ITGAV: variants seen among roughly 807,000 people sequenced by gnomAD.
The protein encoded by ITGAV is integrin alpha-V.
Under a neutral mutation model 143.8 loss-of-function variants are expected in ITGAV, and 76 were observed. The ratio of observed to expected loss-of-function variants is 0.53; its 90% confidence interval spans 0.44 to 0.64. The LOEUF is 0.64. Among genes scored for constraint, ITGAV ranks in the 30% least tolerant of loss-of-function variants. The pLI is 0.00. For synonymous variants in ITGAV, 453 were observed against 446.7 expected (o/e 1.01, Z -0.18); for missense variants, 1,193 against 1,274.7 (o/e 0.94, Z 0.98).
At chr2:186,659,627 ATG>A (rs1688686469) in intron 18 of ITGAV, among the ~76,000 whole-genome samples, 1 of 151,898 alleles carries the variant, frequency 6.6e-6, no homozygotes, top group South Asian at 2.1e-4. Flanking sequence ...AGAAAATCTT[ATG>A]TGTAATGTAT....
chr2:186,668,801 C>G lies in ITGAV; in HGVS notation c.2473C>G (p.Leu825Val). ...NGPSSFSKAM[L>V]HLQWPYKYNN... ...TCCAAGTTCATTCAGCAAGGCAATG[C>G]TCCATCTTCAGTGGCCTTACAAATA... is the stretch of plus-strand genomic sequence containing the variant. Residue 825 changes from leucine (L) to valine (V), a missense_variant, in exon 25 of 30, where the codon CTC becomes GTC. Leu to Val is a conservative substitution (Grantham distance 32). Coordinates refer to ENST00000261023, the MANE Select transcript of ITGAV (RefSeq NM_002210.5). 1 of 1,613,718 alleles carries G rather than the reference C, an allele frequency of 6.2e-7. No homozygotes were observed. Among genetic ancestry groups the G allele is most frequent in the Non-Finnish European group, 8.5e-7 (1 of 1,179,866 alleles).
chr2:186,676,823 A>G lies in ITGAV; in HGVS notation c.2939A>G (p.Asn980Ser), dbSNP rs1314317412. Reference sequence around the variant, plus strand: ...TTTTTTCCTCGATAGGTTACCACTAATGTCACCTGGGGCATTCAGCCAGCG... The same window carrying G: ...TTTTTTCCTCGATAGGTTACCACTAGTGTCACCTGGGGCATTCAGCCAGCG... ...DITNSTLVTT[N>S]VTWGIQPAPM... The change falls in exon 29 of 30, where the codon AAT becomes AGT. Residue 980 changes from asparagine (N) to serine (S), a missense_variant. Transcript: ENST00000261023. 3.7e-6 allele frequency: 6 copies of G among 1,613,792 alleles called. No homozygotes were observed. The highest frequency in any genetic ancestry group is 2.2e-5 in the East Asian group (1 of 44,884).
At chr2:186,651,238 G>T (rs1688420036) in intron 14 of ITGAV, among the ~76,000 whole-genome samples, 1 of 152,144 alleles carries the variant, frequency 6.6e-6, no homozygotes, top group South Asian at 2.1e-4. Context: ...CAATTTAATT[G>T]TAGCTATACA....
At chr2:186,597,613 T>C (rs967988165) in intron 1 of ITGAV, among the ~76,000 whole-genome samples, 1 of 152,152 alleles carries the variant, frequency 6.6e-6, no homozygotes, top group Non-Finnish European at 1.5e-5. Context: ...ATAAAATATA[T>C]TGTAAGACAG....
At chr2:186,600,414 T>C in intron 1 of ITGAV, 1 of 1,537,028 alleles carries the variant, frequency 6.5e-7, no homozygotes, top group Non-Finnish European at 8.8e-7. Context: ...CTCTGTCTAC[T>C]TTATCTAAAA....
Position 186,680,777 on chromosome 2 carries a change from A to G in ITGAV, c.*3485A>G, listed in dbSNP as rs1373480290. 6.6e-6 allele frequency: 1 copy of G among 152,660 alleles called. No individual in the cohort carries two copies. Among genetic ancestry groups the G allele is most frequent in the Non-Finnish European group, 1.5e-5 (1 of 68,018 alleles). The allele number at this position is 152,660 out of a possible 1,614,324, so 9.5% of individuals were successfully genotyped here. On this transcript the variant is annotated 3_prime_UTR_variant, in exon 30 of 30. Transcript: ENST00000261023. ...TCACCCACATTGGGTGAGACAGAAAATGAATCTGTTCTAAAATTTGTAATT... is the reference window on the plus strand; with the variant it reads ...TCACCCACATTGGGTGAGACAGAAAGTGAATCTGTTCTAAAATTTGTAATT...
intron 25 of ITGAV, 29 bp from the exon 26 acceptor site, chr2:186,669,672 C>A: frequency 7.0e-7 from 1 of 1,434,942 alleles, no homozygotes; most frequent in Non-Finnish European, 9.7e-7. Flanking sequence ...TTATCATTTA[C>A]CACCATTTTA....
At chr2:186,618,466 C>CA (rs1222786997) in intron 2 of ITGAV, among the ~76,000 whole-genome samples, 1 of 152,206 alleles carries the variant, frequency 6.6e-6, no homozygotes, top group Non-Finnish European at 1.5e-5. Context: ...TCCACAAAGA[C>CA]AGATATCCAT....
At chr2:186,647,583 A>G (rs1166947033) in intron 13 of ITGAV, among the ~76,000 whole-genome samples, 1 of 152,004 alleles carries the variant, frequency 6.6e-6, no homozygotes, top group East Asian at 1.9e-4. Flanking sequence ...TAATTCTCCC[A>G]TTAATACATG....
In ITGAV at chr2:186,646,760, G is replaced by A. The variant is rs370277214; in HGVS notation, c.1234G>A (p.Gly412Ser). Residue 412 changes from glycine (G) to serine (S), a missense_variant, in exon 13 of 30, where the codon GGC (glycine) becomes AGC (serine). Coordinates refer to ENST00000261023, the MANE Select transcript of ITGAV (RefSeq NM_002210.5). ...IVYIFNGRST[G>S]LNAVPSQILE... ...TTATATCTTCAATGGAAGATCAACA[G>A]GCTTGAACGCAGTCCCATCTCAAAT... is the stretch of plus-strand genomic sequence containing the variant. 8.7e-6 allele frequency: 14 copies of A among 1,612,792 alleles called. No individual in the cohort carries two copies. In the African/African-American group the frequency reaches 1.7e-4, roughly 20 times the overall value.
At chr2:186,657,892 T>C (rs1463927180) in intron 17 of ITGAV, among the ~76,000 whole-genome samples, 2 of 152,126 alleles carry the variant, frequency 1.3e-5, no homozygotes, top group Non-Finnish European at 2.9e-5. Flanking sequence ...GATGGTTTTA[T>C]AGGCAATATC....
chr2:186,677,202 C>T lies in ITGAV; in HGVS notation c.3057C>T (p.Gly1019=), dbSNP rs753699405. 6.2e-7 allele frequency: 1 copy of T among 1,613,300 alleles called. No individual in the cohort carries two copies. Among genetic ancestry groups the T allele is most frequent in the South Asian group, 1.1e-5 (1 of 91,032 alleles). ...GGTTTTTCTTCAACTGACAGATGGGCTTTTTTAAACGGGTCCGGCCACCTC... is the reference window on the plus strand; with the variant it reads ...GGTTTTTCTTCAACTGACAGATGGGTTTTTTTAAACGGGTCCGGCCACCTC... ...AVLVFVMYRM[G]FFKRVRPPQE... is the part of the protein sequence containing the mutation. The change falls in exon 30 of 30, where the codon GGC becomes GGT. Residue 1019 remains glycine (G), a synonymous_variant. Coordinates refer to ENST00000261023, the MANE Select transcript of ITGAV (RefSeq NM_002210.5).
intron 5 of ITGAV, among the ~76,000 whole-genome samples, chr2:186,631,254 A>T (rs1276456456): frequency 6.6e-6 from 1 of 152,224 alleles, no homozygotes; most frequent in Non-Finnish European, 1.5e-5. Flanking sequence ...TTAGAGTTAC[A>T]TAAAAGCTGG....
rs80015938 is a variant in ITGAV, at chr2:186,600,142, G to T, written c.186-1879G>T. 1.2e-3 allele frequency: 652 copies of T among 522,906 alleles called. 3 individuals carry two copies. Among genetic ancestry groups the T allele is most frequent in the African/African-American group, 0.012 (624 of 51,408 alleles). The allele number at this position is 522,906 out of a possible 1,614,324, so 32.4% of individuals were successfully genotyped here. A position where few individuals can be genotyped will look rare whatever the true frequency, so the allele number is the denominator to read the frequency against. On this transcript the variant is annotated intron_variant, in intron 1 of 29. Transcript: ENST00000261023. Reference sequence around the variant, plus strand: ...AAAGGCCCTATTTGACTTAGTTATTGCCAGGCTCCTTGACCTTATCTTGTG... The same window carrying T: ...AAAGGCCCTATTTGACTTAGTTATTTCCAGGCTCCTTGACCTTATCTTGTG...
chr2:186,633,344 C>G lies in ITGAV; in HGVS notation c.601C>G (p.Leu201Val), dbSNP rs758917438. The G allele has an allele frequency of 8.2e-6, 13 of 1,586,656 alleles. No individual in the cohort carries two copies. In the Admixed American group the frequency reaches 2.2e-4, roughly 27 times the overall value. The change falls in exon 6 of 30, where the codon CTT (leucine) becomes GTT (valine). Residue 201 changes from leucine (L) to valine (V), a missense_variant. Coordinates refer to ENST00000261023, the MANE Select transcript of ITGAV (RefSeq NM_002210.5). Reference sequence around the variant, plus strand: ...TTTCATCTAGGCTGACAGAGTACTTCTTGGTGGTCCTGGTAGCTTTTATTG... The same window carrying G: ...TTTCATCTAGGCTGACAGAGTACTTGTTGGTGGTCCTGGTAGCTTTTATTG... Reference protein sequence around the residue: ...IDFTKADRVLLGGPGSFYWQG... With the variant: ...IDFTKADRVLVGGPGSFYWQG...
chr2:186,673,002 A>T (rs1054147945), intron 26 of ITGAV, among the ~76,000 whole-genome samples: 9 of 152,224 alleles, frequency 5.9e-5, no homozygotes, highest in African/African-American at 1.4e-4. Context: ...ATACAAGGTC[A>T]TGAAGATTCA....
chr2:186,647,238 ATT>A (rs71017334), intron 13 of ITGAV, among the ~76,000 whole-genome samples: 3 of 146,282 alleles, frequency 2.1e-5, no homozygotes, highest in Admixed American at 1.4e-4. Flanking sequence ...AATAGTTGTG[ATT>A]TTTTTTTTTT....
At chr2:186,636,960 A>G (rs1574481888) in intron 7 of ITGAV, 105 bp from the exon 8 acceptor site, 1 of 887,850 alleles carries the variant, frequency 1.1e-6, no homozygotes, top group East Asian at 2.4e-5. Context: ...ATATTGCATA[A>G]GTAAAGGAGT....
intron 12 of ITGAV, among the ~76,000 whole-genome samples, chr2:186,644,170 C>T (rs1559056123): frequency 6.6e-6 from 1 of 152,060 alleles, no homozygotes; most frequent in African/African-American, 2.4e-5. Flanking sequence ...TCTCAAACTC[C>T]TGGGCTTAAG....
Sources: gnomAD v4.1 joint callset for allele counts (sites outside exome capture counted in the v4.1 genomes callset) on GRCh38, gnomAD v4.1.1 for gene constraint, MANE v1.5 for transcripts, NCBI Gene and HGNC (gene_info 2026-07-23, HGNC 2026-07-21) for gene names.